The following OPRM1 variants were observed in gnomAD, a reference collection of about 807,000 sequenced individuals.
The protein encoded by OPRM1 is opioid receptor mu 1.
OPRM1 carries 27 observed loss-of-function variants against 31.8 expected under a neutral mutation model. The observed-to-expected ratio is 0.85, with a 90% CI of 0.63 to 1.17. The LOEUF is 1.17. OPRM1 is among the 50% of genes most tolerant of loss of function. OPRM1 has a pLI of 0.00. For missense variants in OPRM1, 536 were observed against 511.1 expected, an observed-to-expected ratio of 1.05 and a Z score of -0.47; for synonymous variants, 196 against 189.9, an observed-to-expected ratio of 1.03 and a Z score of -0.26.
chr6:154,075,063 C>A (rs559053277), intron 1 of OPRM1, among the ~76,000 whole-genome samples: 21 of 151,818 alleles, frequency 1.4e-4, no homozygotes, highest in African/African-American at 4.8e-4. Context: ...CAGGAACATA[C>A]AAAAGAGATA....
intron 1 of OPRM1, among the ~76,000 whole-genome samples, chr6:154,027,808 T>C (rs1373763560): frequency 6.6e-6 from 1 of 152,194 alleles, no homozygotes; most frequent in Non-Finnish European, 1.5e-5. Context: ...GCTGTTCCCT[T>C]AAGCCCCAAA....
upstream of OPRM1, among the ~76,000 whole-genome samples, chr6:154,036,257 T>C (rs1779290329): frequency 6.6e-6 from 1 of 152,096 alleles, no homozygotes; most frequent in East Asian, 1.9e-4. Flanking sequence ...AAATTAAATT[T>C]GTTCTGCAGC....
intron 3 of OPRM1, among the ~76,000 whole-genome samples, chr6:154,210,700 A>G (rs1341238787): frequency 6.6e-6 from 1 of 152,220 alleles, no homozygotes; most frequent in Non-Finnish European, 1.5e-5. Context: ...ACTGGGGAGA[A>G]GCTATGAATA....
At chr6:154,099,901 TTA>T (rs1454997901) in intron 3 of OPRM1, among the ~76,000 whole-genome samples, 1 of 140,112 alleles carries the variant, frequency 7.1e-6, no homozygotes, top group African/African-American at 2.9e-5. Flanking sequence ...ATATATTATA[TTA>T]TGATATATAT....
chr6:154,044,521 A>T (rs1411818453), intron 1 of OPRM1, among the ~76,000 whole-genome samples: 1 of 151,364 alleles, frequency 6.6e-6, no homozygotes, highest in Non-Finnish European at 1.5e-5. Context: ...AACTGATCTT[A>T]TTTTTTTTTA....
At chr6:154,110,533 A>G in intron 3 of OPRM1, 1 of 675,900 alleles carries the variant, frequency 1.5e-6, no homozygotes, top group Non-Finnish European at 2.6e-6. Context: ...AGGGTTGCTT[A>G]TGGTTGCTTA....
chr6:154,232,503 G>A (rs1382756369), intron 3 of OPRM1, among the ~76,000 whole-genome samples: 1 of 152,152 alleles, frequency 6.6e-6, no homozygotes, highest in Non-Finnish European at 1.5e-5. Context: ...ATTATACCAT[G>A]GGAACCATCA....
intron 3 of OPRM1, among the ~76,000 whole-genome samples, chr6:154,211,551 A>G (rs2128605005): frequency 6.6e-6 from 1 of 152,330 alleles, no homozygotes; most frequent in African/African-American, 2.4e-5. Flanking sequence ...TGAAATGAAG[A>G]CAGGAATATC....
At chr6:154,203,427 A>G (rs1333676241) in intron 3 of OPRM1, among the ~76,000 whole-genome samples, 1 of 152,232 alleles carries the variant, frequency 6.6e-6, no homozygotes, top group Non-Finnish European at 1.5e-5. Flanking sequence ...CAAACTGCAC[A>G]GGTCCACTTA....
rs1802102429 is a variant in OPRM1, at chr6:154,193,351, G to A, written c.1165-53342G>A. Among the ~76,000 whole-genome samples, 6 of 152,068 alleles carry A rather than the reference G, an allele frequency of 3.9e-5. No homozygotes were observed. The South Asian group carries it at 1.2e-3, about 32-fold the overall frequency. Reference sequence around the variant, plus strand: ...AAAGGCACGATAAAATAGACTTTGGGGACTCGGGGGAAAGGATAAGAGTGA... The same window carrying A: ...AAAGGCACGATAAAATAGACTTTGGAGACTCGGGGGAAAGGATAAGAGTGA... On this transcript the variant is annotated intron_variant, in intron 3 of 3. Coordinates refer to the OPRM1 transcript ENST00000337049.
At chr6:154,193,037 G>T (rs924901130) in intron 3 of OPRM1, among the ~76,000 whole-genome samples, 1 of 152,146 alleles carries the variant, frequency 6.6e-6, no homozygotes, top group Non-Finnish European at 1.5e-5. Flanking sequence ...CACAGGAAAA[G>T]AAGTCATTAT....
intron 3 of OPRM1, among the ~76,000 whole-genome samples, chr6:154,152,347 G>GAAAGAAAGAAAGAAAGAAAGAAAGGAAA: frequency 1.5e-5 from 1 of 65,128 alleles, no homozygotes; most frequent in African/African-American, 5.6e-5. Flanking sequence ...AAGAAAGAAA[G>GAAAGAAAGAAAGAAAGAAAGAAAGGAAA]GAAAGAAAGA....
intron 1 of OPRM1, among the ~76,000 whole-genome samples, chr6:154,081,431 G>A (rs867027099): frequency 1.5e-4 from 23 of 152,152 alleles, no homozygotes; most frequent in Admixed American, 3.3e-4. Context: ...GCGTGAACCC[G>A]GGAGGCGGAG....
In OPRM1 at chr6:154,047,438, T is replaced by TTCTCTCTCTC. The variant is rs61704475; in HGVS notation, c.290+7624_290+7633dup. Reference sequence around the variant, plus strand: ...TGGCAAAGGTGGAGCGTGGGCAAAATTCTCTCTCTCTCTCTCTCTCTCTCT... The same window carrying TTCTCTCTCTC: ...TGGCAAAGGTGGAGCGTGGGCAAAATTCTCTCTCTCTCTCTCTCTCTCTCTCTCTCTCTCT... On this transcript the variant is annotated intron_variant, in intron 1 of 3. Coordinates refer to ENST00000330432, the MANE Select transcript of OPRM1 (RefSeq NM_000914.5). 2.5e-4 allele frequency among the ~76,000 whole-genome samples: 37 copies of TTCTCTCTCTC among 146,580 alleles called. 1 individual carries two copies. The highest frequency in any genetic ancestry group is 1.0e-3 in the Admixed American group (15 of 14,658).
chr6:154,113,767 C>A (rs1796579618), intron 3 of OPRM1, among the ~76,000 whole-genome samples: 1 of 152,164 alleles, frequency 6.6e-6, no homozygotes, highest in Non-Finnish European at 1.5e-5. Flanking sequence ...GCTGATAAAT[C>A]CAGCAGTGTT....
At chr6:154,052,143 CAG>C (rs1438017051) in intron 1 of OPRM1, among the ~76,000 whole-genome samples, 1 of 151,768 alleles carries the variant, frequency 6.6e-6, no homozygotes, top group African/African-American at 2.4e-5. Flanking sequence ...CACGTGGACA[CAG>C]GGAGAGGAAC....
At chr6:154,089,778 A>T in intron 1 of OPRM1, 48 bp from the exon 2 acceptor site, 1 of 1,289,070 alleles carries the variant, frequency 7.8e-7, no homozygotes, top group Non-Finnish European at 1.1e-6. Context: ...CCTATATTTT[A>T]CACTAGTGTC....
intron 1 of OPRM1, among the ~76,000 whole-genome samples, chr6:154,063,999 G>A (rs1022359622): frequency 6.6e-6 from 1 of 151,762 alleles, no homozygotes; most frequent in African/African-American, 2.4e-5. Flanking sequence ...AATTTCTTTG[G>A]GTATTTGGAT....
intron 1 of OPRM1, among the ~76,000 whole-genome samples, chr6:154,064,654 T>A (rs1269534036): frequency 6.6e-6 from 1 of 152,210 alleles, no homozygotes; most frequent in Non-Finnish European, 1.5e-5. Context: ...CCATCTTGAG[T>A]TAACTTCTAT....
Sources: allele counts gnomAD v4.1 joint callset (sites outside exome capture counted in the v4.1 genomes callset), GRCh38; gene constraint gnomAD v4.1.1; transcripts MANE v1.5; gene names NCBI Gene and HGNC (gene_info 2026-07-23, HGNC 2026-07-21).